Variants in RPH3AL observed in about 807,000 individuals in gnomAD.
RPH3AL encodes the protein rabphilin 3A like (without C2 domains).
In RPH3AL, 38 loss-of-function variants were observed where a neutral mutation model predicts 43.1. That is an observed-to-expected ratio of 0.88 (90% CI 0.68 to 1.15). RPH3AL has a LOEUF of 1.15. Among genes scored for constraint, RPH3AL ranks in the 50% most tolerant of loss-of-function variants. RPH3AL has a pLI of 0.00. For synonymous variants in RPH3AL, 189 were observed against 176.3 expected (o/e 1.07, Z -0.57); for missense variants, 462 against 423.2 (o/e 1.09, Z -0.81).
intron 3 of RPH3AL, among the ~76,000 whole-genome samples, chr17:324,918 G>A (rs2044582136): frequency 2.0e-5 from 3 of 152,078 alleles, no homozygotes; most frequent in Non-Finnish European, 2.9e-5. Flanking sequence ...GTAGAGACAG[G>A]GTTTCACTAT....
At chr17:301,099 G>A (rs1431420223) in intron 5 of RPH3AL, among the ~76,000 whole-genome samples, 3 of 152,254 alleles carry the variant, frequency 2.0e-5, no homozygotes, top group African/African-American at 4.8e-5. Context: ...CCTCAGGGGG[G>A]CCCAGGGCTG....
At chr17:314,353 C>A (rs923953253) in intron 5 of RPH3AL, among the ~76,000 whole-genome samples, 17 of 151,176 alleles carry the variant, frequency 1.1e-4, no homozygotes, top group Admixed American at 4.6e-4. Flanking sequence ...CCCGTTCTCC[C>A]AGGCAGGAGT....
chr17:318,525 G>A (rs946472216), intron 5 of RPH3AL, among the ~76,000 whole-genome samples: 16 of 152,146 alleles, frequency 1.1e-4, no homozygotes, highest in African/African-American at 3.1e-4. Context: ...GGGAAATCCC[G>A]TTATAATAGC....
At chr17:342,072 A>G (rs528612920) in intron 1 of RPH3AL, among the ~76,000 whole-genome samples, 1 of 152,360 alleles carries the variant, frequency 6.6e-6, no homozygotes, top group African/African-American at 2.4e-5. Context: ...CATTTCCCCA[A>G]AGAAGATACG....
At chr17:310,363 C>T (rs1055684047) in intron 5 of RPH3AL, among the ~76,000 whole-genome samples, 1 of 152,182 alleles carries the variant, frequency 6.6e-6, no homozygotes, top group South Asian at 2.1e-4. Flanking sequence ...AGCTGCTGAA[C>T]GCTGCCAGGG....
intron 6 of RPH3AL, among the ~76,000 whole-genome samples, chr17:256,044 T>TAA (rs2042042098): frequency 1.8e-5 from 1 of 55,950 alleles, no homozygotes; most frequent in African/African-American, 6.1e-5. Context: ...GTACTTCCTA[T>TAA]GAGGGGAGCC....
At position 246,909 on chromosome 17, in the gene RPH3AL, A is replaced by G. The variant is rs1363403780; in HGVS notation, c.613+202T>C. ...GGGCCCTCCCGCCGCACTCCTGCAC[A>G]GAGCGAACAGTCACCTGCTGGAGGT... On this transcript the variant is annotated intron_variant, in intron 7 of 9. Coordinates refer to ENST00000331302, the MANE Select transcript of RPH3AL (RefSeq NM_006987.4). This position sits in a 1 kb window ranked among gnomAD's most constrained non-coding sequence, Gnocchi z 4.8. Among the ~76,000 whole-genome samples the G allele has an allele frequency of 2.6e-5, 4 of 152,250 alleles. No individual in the cohort carries two copies. Among genetic ancestry groups the G allele is most frequent in the Non-Finnish European group, 5.9e-5 (4 of 68,032 alleles).
At position 328,888 on chromosome 17, in the gene RPH3AL, C is replaced by T. The variant is rs2151710896; in HGVS notation, c.-36-1309G>A. On this transcript the variant is annotated intron_variant, in intron 2 of 9. Transcript: ENST00000331302. This position sits in a 1 kb window ranked among gnomAD's most constrained non-coding sequence, Gnocchi z 4.2. ...AGTAAGAAAAGCCAGTCATAAAAGA[C>T]CACGTATTGTATGATTCCGTTTATA... Among the ~76,000 whole-genome samples, 1 of 152,258 alleles carries T rather than the reference C, an allele frequency of 6.6e-6. No individual in the cohort carries two copies. The highest frequency in any genetic ancestry group is 1.9e-4 in the East Asian group (1 of 5,188).
rs966327791 is a variant in RPH3AL at position 264,562 on chromosome 17, G to A, written c.438+17206C>T. On this transcript the variant is annotated intron_variant, in intron 6 of 9. Coordinates refer to ENST00000331302, the MANE Select transcript of RPH3AL (RefSeq NM_006987.4). The surrounding 1 kb of genome is among the most constrained non-coding windows in gnomAD (Gnocchi z 4.8). ...TGGATGGGGACTCAGAATCCGCACCGTGTGTGTGACCACTGCATGGTGGTT... is the reference window on the plus strand; with the variant it reads ...TGGATGGGGACTCAGAATCCGCACCATGTGTGTGACCACTGCATGGTGGTT... Among the ~76,000 whole-genome samples, 12 of 149,310 alleles carry A rather than the reference G, an allele frequency of 8.0e-5. No homozygotes were observed. The highest frequency in any genetic ancestry group is 4.0e-4 in the Admixed American group (6 of 15,156).
chr17:247,093 G>C lies in RPH3AL; in HGVS notation c.613+18C>G. Reference sequence around the variant, plus strand: ...AAACTTTACAGGCCATCCTGGGAGAGAGGCAGAGGGGACTTACCTCTTCCT... The same window carrying C: ...AAACTTTACAGGCCATCCTGGGAGACAGGCAGAGGGGACTTACCTCTTCCT... On this transcript the variant is annotated intron_variant, in intron 7 of 9. Transcript: ENST00000331302. 6.2e-7 allele frequency: 1 copy of C among 1,614,030 alleles called. No individual in the cohort carries two copies.
chr17:242,356 T>C (rs1428669006), intron 7 of RPH3AL, among the ~76,000 whole-genome samples: 12 of 47,064 alleles, frequency 2.5e-4, no homozygotes, highest in South Asian at 1.5e-3. Context: ...ATTGACTACC[T>C]TCCTCTATTG....
At chr17:351,519 C>T (rs964502417) in intron 1 of RPH3AL, among the ~76,000 whole-genome samples, 1 of 152,214 alleles carries the variant, frequency 6.6e-6, no homozygotes. Context: ...ACAGACCCAC[C>T]TCCCATCTCC....
intron 7 of RPH3AL, among the ~76,000 whole-genome samples, chr17:236,429 G>A (rs112829622): frequency 0.017 from 2,647 of 152,120 alleles, 27 homozygotes; most frequent in Middle Eastern, 0.027. Context: ...CACGCCATCC[G>A]TTATGTTTGA....
intron 5 of RPH3AL, among the ~76,000 whole-genome samples, chr17:317,143 T>TG (rs2044278544): frequency 6.8e-6 from 1 of 147,502 alleles, no homozygotes. Context: ...GTAGTCCCTG[T>TG]GCCCCACCTC....
At chr17:320,572 G>C (rs558810040) in intron 4 of RPH3AL, among the ~76,000 whole-genome samples, 1 of 152,132 alleles carries the variant, frequency 6.6e-6, no homozygotes, top group African/African-American at 2.4e-5. Context: ...CCAGGAAGTT[G>C]AGGCTGCAGT....
chr17:315,249 C>T (rs866166949), intron 5 of RPH3AL, among the ~76,000 whole-genome samples: 33 of 144,878 alleles, frequency 2.3e-4, no homozygotes, highest in African/African-American at 8.6e-4. Flanking sequence ...CACCTGTAGT[C>T]CCTGTGCCCC....
intron 3 of RPH3AL, among the ~76,000 whole-genome samples, chr17:326,511 T>C (rs755455126): frequency 2.6e-5 from 4 of 152,010 alleles, no homozygotes; most frequent in Non-Finnish European, 5.9e-5. Context: ...AGAACCCCCA[T>C]CTCCAGCCAC....
chr17:226,642 A>G (rs1047801581), intron 7 of RPH3AL, among the ~76,000 whole-genome samples: 1 of 152,150 alleles, frequency 6.6e-6, no homozygotes, highest in Non-Finnish European at 1.5e-5. Context: ...GGTGTCCCCA[A>G]ATGTTCCTGG....
rs1433876833 is a variant in RPH3AL, at chr17:212,498, C to A, written c.*1354G>T. 1 of 152,078 alleles carries A rather than the reference C, an allele frequency of 6.6e-6. No homozygotes were observed. Among genetic ancestry groups the A allele is most frequent in the African/African-American group, 2.4e-5 (1 of 41,414 alleles). 9.4% of individuals were successfully genotyped at this position (152,078 alleles called of 1,614,324 possible). ...CTTCGATCAACACACTGGCTCGGTG[C>A]AAATTTTAATCTTCATTGTTTTAAT... On this transcript the variant is annotated 3_prime_UTR_variant, in exon 10 of 10. Transcript: ENST00000331302.
Sources: gnomAD v4.1 joint callset for allele counts (sites outside exome capture counted in the v4.1 genomes callset) on GRCh38, gnomAD v4.1.1 for gene constraint, Gnocchi (gnomAD v3.1) non-coding constraint, MANE v1.5 for transcripts, NCBI Gene and HGNC (gene_info 2026-07-23, HGNC 2026-07-21) for gene names.